Variants in MARCHF1 observed in about 807,000 individuals in gnomAD.
MARCHF1 encodes the protein E3 ubiquitin-protein ligase MARCHF1.
MARCHF1 carries 40 observed loss-of-function variants against 54.2 expected under a neutral mutation model. The observed-to-expected ratio is 0.74, with a 90% CI of 0.57 to 0.96. MARCHF1 has a LOEUF of 0.96. MARCHF1 is among the 40% of genes least tolerant of loss of function. The probability of loss-of-function intolerance (pLI) is 0.00; values close to 1 mark genes in which losing one functional copy is unlikely to be tolerated. For missense variants in MARCHF1, 586 were observed against 656.5 expected (o/e 0.89, Z 1.17); for synonymous variants, 236 against 236.3 (o/e 1.00, Z 0.01).
chr4:163,900,477 G>T (rs1217957130), intron 3 of MARCHF1, among the ~76,000 whole-genome samples: 1 of 152,046 alleles, frequency 6.6e-6, no homozygotes, highest in Admixed American at 6.6e-5. Flanking sequence ...ATAGTACCTA[G>T]GGACTTGTTC....
chr4:163,532,349 T>A (rs1214695903), intron 9 of MARCHF1, among the ~76,000 whole-genome samples: 4 of 151,882 alleles, frequency 2.6e-5, no homozygotes, highest in Admixed American at 2.6e-4. Context: ...ATAGTCTTTT[T>A]AACAAATGGG....
chr4:163,960,117 C>A (rs1051137090), intron 3 of MARCHF1, among the ~76,000 whole-genome samples: 1 of 151,958 alleles, frequency 6.6e-6, no homozygotes, highest in African/African-American at 2.4e-5. Flanking sequence ...TACCATCTCA[C>A]ACCAGTCAGA....
In MARCHF1 at chr4:163,828,054, C is replaced by CACACACACACAG. The variant is rs774603753; in HGVS notation, c.111+25966_111+25967insCTGTGTGTGTGT. On this transcript the variant is annotated intron_variant, in intron 4 of 9. Transcript: ENST00000514618. ...ACACACACACACACACACACACACACAGACACACCTTGTCATTCTCCTCCT... is the reference window on the plus strand; with the variant it reads ...ACACACACACACACACACACACACACACACACACACAGAGACACACCTTGTCATTCTCCTCCT... Among the ~76,000 whole-genome samples the CACACACACACAG allele has an allele frequency of 5.4e-3, 794 of 148,296 alleles. 3 individuals are homozygous for CACACACACACAG. The highest frequency in any genetic ancestry group is 8.5e-3 in the Non-Finnish European group (572 of 67,078).
intron 3 of MARCHF1, among the ~76,000 whole-genome samples, chr4:163,862,442 A>T (rs991388664): frequency 2.6e-5 from 4 of 152,116 alleles, no homozygotes; most frequent in Non-Finnish European, 5.9e-5. Flanking sequence ...ATGGATACCA[A>T]GAATACGAAA....
chr4:164,076,136 T>TAACAAC (rs57287504), intron 2 of MARCHF1, among the ~76,000 whole-genome samples: 14,849 of 150,390 alleles, frequency 0.099, 893 homozygotes, highest in East Asian at 0.31. Context: ...AATAATTTTC[T>TAACAAC]AACAACAACA....
At chr4:164,361,305 C>T (rs1489955978) in intron 1 of MARCHF1, among the ~76,000 whole-genome samples, 1 of 151,998 alleles carries the variant, frequency 6.6e-6, no homozygotes, top group African/African-American at 2.4e-5. Context: ...ATTCTTTTTG[C>T]CCACAGTTAT....
intron 1 of MARCHF1, among the ~76,000 whole-genome samples, chr4:164,213,188 C>T (rs1034540853): frequency 1.3e-4 from 19 of 148,830 alleles, no homozygotes; most frequent in African/African-American, 4.7e-4. Context: ...AATTACTTTT[C>T]TCTGGGCTTT....
intron 4 of MARCHF1, among the ~76,000 whole-genome samples, chr4:163,831,454 G>T (rs4543071): frequency 0.8 from 120,900 of 151,786 alleles, 49,007 homozygotes; most frequent in South Asian, 0.9. Context: ...ATCTGTGCAC[G>T]ATGGTATGTG....
intron 5 of MARCHF1, among the ~76,000 whole-genome samples, chr4:163,642,285 T>G (rs1382168795): frequency 6.6e-6 from 1 of 152,192 alleles, no homozygotes; most frequent in Non-Finnish European, 1.5e-5. Flanking sequence ...ATACATTCTT[T>G]TTTTTCTTTT....
At chr4:163,712,635 A>C (rs116025010) in intron 4 of MARCHF1, among the ~76,000 whole-genome samples, 1,687 of 152,296 alleles carry the variant, frequency 0.011, 37 homozygotes, top group African/African-American at 0.038. Context: ...TATGTAAATA[A>C]ATGAGATGAA....
chr4:163,937,228 A>G (rs950089832), intron 3 of MARCHF1, among the ~76,000 whole-genome samples: 1 of 152,178 alleles, frequency 6.6e-6, no homozygotes, highest in Non-Finnish European at 1.5e-5. Flanking sequence ...GAGGGAAGAG[A>G]AAAAGAAATT....
intron 2 of MARCHF1, among the ~76,000 whole-genome samples, chr4:164,054,574 A>G (rs1245296959): frequency 6.6e-6 from 1 of 152,072 alleles, no homozygotes; most frequent in East Asian, 1.9e-4. Flanking sequence ...GCACATATAC[A>G]CCGTGGAATA....
chr4:164,066,699 T>A (rs905463305), intron 2 of MARCHF1, among the ~76,000 whole-genome samples: 1 of 151,818 alleles, frequency 6.6e-6, no homozygotes, highest in Admixed American at 6.6e-5. Context: ...AGAAAAAAAA[T>A]GAGATCATGT....
rs1429196416 is a variant in MARCHF1, at chr4:163,941,816, ATAGT to A, written c.-39+46681_-39+46684del. ...ATATGGAAAGTACTTAAAACGGCAT[ATAGT>A]AAGTGCTATAAAAATGTTTTAAAAT... On this transcript the variant is annotated intron_variant, in intron 3 of 9. Coordinates refer to ENST00000514618, the MANE Select transcript of MARCHF1 (RefSeq NM_001394959.1). Among the ~76,000 whole-genome samples, 74 of 152,322 alleles carry A rather than the reference ATAGT, an allele frequency of 4.9e-4. 1 individual carries two copies. The highest frequency in any genetic ancestry group is 1.8e-3 in the African/African-American group (73 of 41,590).
intron 3 of MARCHF1, among the ~76,000 whole-genome samples, chr4:163,900,854 T>A (rs1278252551): frequency 6.6e-6 from 1 of 152,158 alleles, no homozygotes; most frequent in African/African-American, 2.4e-5. Context: ...AACATGTATA[T>A]TAAGGGACTA....
chr4:163,602,445 G>C (rs1560967863), intron 7 of MARCHF1, among the ~76,000 whole-genome samples: 1 of 151,884 alleles, frequency 6.6e-6, no homozygotes, highest in Non-Finnish European at 1.5e-5. Context: ...CCTTTTTCAA[G>C]TCTGACCACT....
At chr4:164,173,794 C>A (rs1389951786) in intron 1 of MARCHF1, among the ~76,000 whole-genome samples, 1 of 152,182 alleles carries the variant, frequency 6.6e-6, no homozygotes, top group African/African-American at 2.4e-5. Context: ...GCCACACTTT[C>A]TGTACAGCCT....
chr4:163,719,715 T>C (rs9683778), intron 4 of MARCHF1, among the ~76,000 whole-genome samples: 1,811 of 148,852 alleles, frequency 0.012, 60 homozygotes, highest in African/African-American at 0.044. Flanking sequence ...TTTTTAATGA[T>C]CGCCATTCTA....
intron 2 of MARCHF1, among the ~76,000 whole-genome samples, chr4:163,999,422 A>C (rs187602857): frequency 6.6e-6 from 1 of 151,744 alleles, no homozygotes; most frequent in African/African-American, 2.4e-5. Flanking sequence ...TAAAAATAAC[A>C]ATTGAGTATA....
Sources: gnomAD v4.1 joint callset for allele counts (sites outside exome capture counted in the v4.1 genomes callset) on GRCh38, gnomAD v4.1.1 for gene constraint, MANE v1.5 for transcripts, NCBI Gene and HGNC (gene_info 2026-07-23, HGNC 2026-07-21) for gene names.